Variants in TBC1D22A observed in about 807,000 individuals in gnomAD.
TBC1D22A encodes putative GTPase activator.
TBC1D22A carries 38 observed loss-of-function variants against 60.2 expected under a neutral mutation model. That is an observed-to-expected ratio of 0.63 (90% confidence interval 0.49 to 0.83). TBC1D22A has a LOEUF of 0.83. TBC1D22A is among the 40% of genes least tolerant of loss of function. The probability of loss-of-function intolerance (pLI) is 0.00; values close to 1 mark genes in which losing one functional copy is unlikely to be tolerated. For synonymous variants in TBC1D22A, 302 were observed against 281.7 expected (o/e 1.07, Z -0.72); for missense variants, 628 against 701.0 (o/e 0.90, Z 1.18).
chr22:46,901,461 G>A (rs190591101), intron 7 of TBC1D22A, among the ~76,000 whole-genome samples: 38 of 152,346 alleles, frequency 2.5e-4, no homozygotes, highest in South Asian at 2.3e-3. Context: ...GACACCTGAC[G>A]TGGGCACAAA....
intron 12 of TBC1D22A, among the ~76,000 whole-genome samples, chr22:47,118,951 C>A (rs2066173298): frequency 6.6e-6 from 1 of 152,168 alleles, no homozygotes; most frequent in Admixed American, 6.5e-5. Context: ...GAGACTGAGA[C>A]CATCCTGGCC....
In TBC1D22A at chr22:47,028,498, T is replaced by C. The variant is rs1032633665; in HGVS notation, c.1202-8573T>C. On this transcript the variant is annotated intron_variant, in intron 10 of 12. Coordinates refer to ENST00000337137, the MANE Select transcript of TBC1D22A (RefSeq NM_014346.5). The surrounding 1 kb of genome is among the most constrained non-coding windows in gnomAD (Gnocchi z 4.4). ...TTCTGAGAGCGAGTGGTCGCATTCC[T>C]GTCCCTCGGTCCCTGTCCCCCACGG... Among the ~76,000 whole-genome samples the C allele has an allele frequency of 1.4e-5, 2 of 146,482 alleles. No individual in the cohort carries two copies. Among genetic ancestry groups the C allele is most frequent in the Admixed American group, 1.4e-4 (2 of 14,800 alleles).
At chr22:47,110,141 G>A (rs2065793773) in intron 11 of TBC1D22A, among the ~76,000 whole-genome samples, 1 of 152,132 alleles carries the variant, frequency 6.6e-6, no homozygotes, top group Admixed American at 6.5e-5. Context: ...GGGTCTCTGT[G>A]TTTCCTGCTG....
At chr22:46,913,321 A>G (rs1009090835) in intron 8 of TBC1D22A, 5 of 1,365,544 alleles carry the variant, frequency 3.7e-6, no homozygotes, top group African/African-American at 3.0e-5. Context: ...TTGTTATTAC[A>G]TGGTGTTTTT....
In TBC1D22A at chr22:47,086,756, G is replaced by A. The variant is rs952087832; in HGVS notation, c.1330-24752G>A. Among the ~76,000 whole-genome samples, 6 of 152,198 alleles carry A rather than the reference G, an allele frequency of 3.9e-5. No homozygotes were observed. The South Asian group carries it at 1.0e-3, about 26-fold the overall frequency. ...GCCGGGAGGGGAGCACAGTGCGGCA[G>A]CAGGGCGGACACAGGGACCCAGCAA... On this transcript the variant is annotated intron_variant, in intron 11 of 12. Transcript: ENST00000337137.
intron 10 of TBC1D22A, among the ~76,000 whole-genome samples, chr22:47,006,601 T>C (rs887178004): frequency 6.6e-6 from 1 of 152,236 alleles, no homozygotes; most frequent in East Asian, 1.9e-4. Flanking sequence ...GCCCCGTTGA[T>C]CTGACCCTGT....
At chr22:47,034,143 T>G (rs952995751) in intron 10 of TBC1D22A, among the ~76,000 whole-genome samples, 4 of 152,232 alleles carry the variant, frequency 2.6e-5, no homozygotes, top group African/African-American at 9.6e-5. Context: ...AAAATAAATG[T>G]CTTTAATAAA....
intron 5 of TBC1D22A, among the ~76,000 whole-genome samples, chr22:46,880,765 A>G (rs1433746620): frequency 6.6e-6 from 1 of 152,136 alleles, no homozygotes; most frequent in African/African-American, 2.4e-5. Flanking sequence ...CTGCATGGCC[A>G]TGGCAGGTGG....
chr22:46,797,574 G>A lies in TBC1D22A; in HGVS notation c.591G>A (p.Arg197=), dbSNP rs780856937. 1.2e-5 allele frequency: 20 copies of A among 1,612,816 alleles called. 1 individual carries two copies. The Middle Eastern group carries it at 4.9e-4, about 40-fold the overall frequency. Reference sequence around the variant, plus strand: ...CGCTGAGCGAAAGAGAGGCCTCCCGGCTCGACAAGTTCAAGCAGCTGCTTG... The same window carrying A: ...CGCTGAGCGAAAGAGAGGCCTCCCGACTCGACAAGTTCAAGCAGCTGCTTG... The part of the protein sequence containing the change: ...SSALSEREAS[R]LDKFKQLLAG... The change falls in exon 4 of 13, where the codon CGG becomes CGA. Residue 197 remains arginine (R), a synonymous_variant. Coordinates refer to ENST00000337137, the MANE Select transcript of TBC1D22A (RefSeq NM_014346.5).
At chr22:47,131,152 C>G (rs971603184) in intron 12 of TBC1D22A, among the ~76,000 whole-genome samples, 1 of 152,208 alleles carries the variant, frequency 6.6e-6, no homozygotes, top group Middle Eastern at 3.2e-3. Context: ...GGAACCACCT[C>G]CATGACCCAG....
At chr22:47,140,730 G>A (rs758337982) in intron 12 of TBC1D22A, among the ~76,000 whole-genome samples, 6 of 152,196 alleles carry the variant, frequency 3.9e-5, no homozygotes, top group African/African-American at 7.2e-5. Context: ...TGGCCCTGGC[G>A]GCTTGGGCCT....
At chr22:46,903,796 G>A (rs2069184616) in intron 7 of TBC1D22A, among the ~76,000 whole-genome samples, 1 of 152,272 alleles carries the variant, frequency 6.6e-6, no homozygotes, top group Admixed American at 6.5e-5. Context: ...TTCTTTTCTG[G>A]CTGAGACTGT....
intron 12 of TBC1D22A, among the ~76,000 whole-genome samples, chr22:47,169,335 T>A (rs1452416766): frequency 6.6e-6 from 1 of 151,522 alleles, no homozygotes; most frequent in Admixed American, 6.6e-5. Flanking sequence ...TGTCCGAGAG[T>A]GTCTAGGGCA....
At chr22:46,987,895 G>T (rs1274044154) in intron 9 of TBC1D22A, among the ~76,000 whole-genome samples, 1 of 152,186 alleles carries the variant, frequency 6.6e-6, no homozygotes, top group Non-Finnish European at 1.5e-5. Flanking sequence ...TTTATCCACA[G>T]TAGGACTTCT....
At chr22:46,822,183 A>G (rs1265174636) in intron 4 of TBC1D22A, among the ~76,000 whole-genome samples, 2 of 152,028 alleles carry the variant, frequency 1.3e-5, no homozygotes, top group Non-Finnish European at 2.9e-5. Context: ...GGGTTAGAAC[A>G]TGCTCCTTTA....
chr22:47,108,736 C>T (rs1037901212), intron 11 of TBC1D22A, among the ~76,000 whole-genome samples: 7 of 152,192 alleles, frequency 4.6e-5, no homozygotes, highest in Non-Finnish European at 1.0e-4. Context: ...TGCTCTGTCA[C>T]CCAAGCTGGA....
intron 12 of TBC1D22A, among the ~76,000 whole-genome samples, chr22:47,172,673 C>T (rs1157343441): frequency 6.6e-6 from 1 of 152,214 alleles, no homozygotes; most frequent in African/African-American, 2.4e-5. Flanking sequence ...CAGTCTAAGG[C>T]AAATAAGCAC....
chr22:46,794,289 G>A (rs773119655), intron 3 of TBC1D22A, among the ~76,000 whole-genome samples: 3 of 152,234 alleles, frequency 2.0e-5, no homozygotes, highest in Admixed American at 6.5e-5. Context: ...CCTCTAGGCA[G>A]CTTACAGGAT....
At chr22:46,968,560 G>A (rs35540350) in intron 8 of TBC1D22A, among the ~76,000 whole-genome samples, 34,476 of 148,110 alleles carry the variant, frequency 0.23, 3,559 homozygotes, top group East Asian at 0.27. Context: ...TGAGTGGGAG[G>A]GCGTCCTCAC....
Sources: gnomAD v4.1 joint callset for allele counts (sites outside exome capture counted in the v4.1 genomes callset) on GRCh38, gnomAD v4.1.1 for gene constraint, Gnocchi (gnomAD v3.1) non-coding constraint, MANE v1.5 for transcripts, NCBI Gene and HGNC (gene_info 2026-07-23, HGNC 2026-07-21) for gene names.